The following TNFRSF21 variants were observed in gnomAD, a reference collection of about 807,000 sequenced individuals.
TNFRSF21 encodes TNF receptor superfamily member 21, also known as tumor necrosis factor receptor superfamily member 21.
TNFRSF21 carries 19 observed loss-of-function variants against 45.6 expected under a neutral mutation model. That is an observed-to-expected ratio of 0.42 (90% CI 0.29 to 0.61). TNFRSF21 has a LOEUF of 0.61. Among genes scored for constraint, TNFRSF21 ranks in the 20% least tolerant of loss-of-function variants. The probability of loss-of-function intolerance (pLI) is 0.23; values close to 1 mark genes in which losing one functional copy is unlikely to be tolerated. For missense variants in TNFRSF21, 737 were observed against 851.5 expected (o/e 0.87, Z 1.67); for synonymous variants, 314 against 335.5 (o/e 0.94, Z 0.70).
intron 3 of TNFRSF21, among the ~76,000 whole-genome samples, chr6:47,270,459 T>C (rs777905966): frequency 6.6e-6 from 1 of 152,078 alleles, no homozygotes; most frequent in Non-Finnish European, 1.5e-5. Flanking sequence ...CAGAAATGAA[T>C]AGCATCAACA....
At chr6:47,258,004 G>A (rs910182532) in intron 3 of TNFRSF21, among the ~76,000 whole-genome samples, 3 of 152,320 alleles carry the variant, frequency 2.0e-5, no homozygotes, top group African/African-American at 7.2e-5. Context: ...TCCAGCCTAG[G>A]ATGAACGCAC....
In TNFRSF21 at chr6:47,284,203, C is replaced by A. The variant is rs763089621; in HGVS notation, c.978G>T (p.Thr326=). The part of the protein sequence containing the change: ...MEATGGEKSS[T]PIKGPKRGHP... ...GTCCCCTCTTGGGGCCCTTGATGGG[C>A]GTGCTGGACTTCTCGCCCCCAGTGG... is the stretch of plus-strand genomic sequence containing the variant. The change falls in exon 3 of 6, where the codon ACG becomes ACT. Residue 326 remains threonine (T), a synonymous_variant. Transcript: ENST00000296861. 2.5e-6 allele frequency: 4 copies of A among 1,614,026 alleles called. No homozygotes were observed. Among genetic ancestry groups the A allele is most frequent in the Admixed American group, 1.7e-5 (1 of 60,002 alleles).
At chr6:47,272,091 G>A (rs1171847534) in intron 3 of TNFRSF21, among the ~76,000 whole-genome samples, 1 of 152,014 alleles carries the variant, frequency 6.6e-6, no homozygotes, top group East Asian at 1.9e-4. Flanking sequence ...CCCATTGTCA[G>A]TATTAGACAG....
intron 3 of TNFRSF21, among the ~76,000 whole-genome samples, chr6:47,259,064 A>G (rs1421040897): frequency 6.6e-6 from 1 of 152,258 alleles, no homozygotes; most frequent in Non-Finnish European, 1.5e-5. Context: ...GATTTAGAAA[A>G]GCATTTCATT....
intron 4 of TNFRSF21, among the ~76,000 whole-genome samples, chr6:47,250,721 A>G (rs1484328763): frequency 6.6e-6 from 1 of 152,264 alleles, no homozygotes; most frequent in South Asian, 2.1e-4. Context: ...TCACAGGATG[A>G]GAATAAGGAG....
chr6:47,286,216 T>C lies in TNFRSF21; in HGVS notation c.476A>G (p.Lys159Arg). Residue 159 changes from lysine (K) to arginine (R), a missense_variant, in exon 2 of 6, where the codon AAA (lysine) becomes AGA (arginine). By Grantham distance (26) the Lys-to-Arg change is conservative (BLOSUM62 2). Coordinates refer to ENST00000296861, the MANE Select transcript of TNFRSF21 (RefSeq NM_014452.5). The part of the protein sequence containing the change: ...VCPVGWGVRK[K>R]GTETEDVRCK... ...CCGCACATCCTCAGTCTCTGTCCCT[T>C]TCTTCCGCACACCCCAACCCACAGG... 6.2e-7 allele frequency: 1 copy of C among 1,614,222 alleles called. No homozygotes were observed. The highest frequency in any genetic ancestry group is 8.5e-7 in the Non-Finnish European group (1 of 1,180,040).
chr6:47,255,184 G>A (rs926895874), intron 3 of TNFRSF21, among the ~76,000 whole-genome samples: 4 of 152,332 alleles, frequency 2.6e-5, no homozygotes, highest in Middle Eastern at 3.4e-3. Flanking sequence ...CTGATGAACA[G>A]ATGAAATGGT....
chr6:47,307,914 G>A (rs1275414682), intron 1 of TNFRSF21, among the ~76,000 whole-genome samples: 2 of 152,092 alleles, frequency 1.3e-5, no homozygotes, highest in Admixed American at 1.3e-4. Flanking sequence ...CTGTGAAAAA[G>A]GAAATGATGA....
intron 2 of TNFRSF21, among the ~76,000 whole-genome samples, 200 bp downstream of exon 2, chr6:47,285,744 A>G (rs1762636209): frequency 6.6e-6 from 1 of 152,206 alleles, no homozygotes; most frequent in Admixed American, 6.5e-5. Context: ...GATCTCCCCT[A>G]ACAGAAAAAT....
rs1370016335 is a variant in TNFRSF21 at position 47,231,763 on chromosome 6, T to A, written c.*1002A>T. The A allele has an allele frequency of 1.3e-5, 2 of 152,598 alleles. No individual in the cohort carries two copies. The highest frequency in any genetic ancestry group is 2.9e-5 in the Non-Finnish European group (2 of 68,044). 9.5% of individuals were successfully genotyped at this position (152,598 alleles called of 1,614,324 possible). A position where few individuals can be genotyped will look rare whatever the true frequency, so the allele number is the denominator to read the frequency against. On this transcript the variant is annotated 3_prime_UTR_variant, in exon 6 of 6. Transcript: ENST00000296861. ...AGCCATTTTTAATTAAAGTAATTGG[T>A]GAAGGAATCCCACCAGGACCAAGGC...
At chr6:47,287,982 C>T (rs1251571832) in intron 1 of TNFRSF21, among the ~76,000 whole-genome samples, 1 of 152,162 alleles carries the variant, frequency 6.6e-6, no homozygotes, top group Non-Finnish European at 1.5e-5. Context: ...ACTTTGAAAG[C>T]TGGTTGGTAC....
intron 3 of TNFRSF21, among the ~76,000 whole-genome samples, chr6:47,276,873 T>C (rs933414559): frequency 6.6e-6 from 1 of 152,218 alleles, no homozygotes; most frequent in Non-Finnish European, 1.5e-5. Flanking sequence ...ACTGCCTACA[T>C]GTGTAAATTA....
At chr6:47,248,359 A>C (rs1381081024) in intron 4 of TNFRSF21, among the ~76,000 whole-genome samples, 1 of 152,174 alleles carries the variant, frequency 6.6e-6, no homozygotes, top group Non-Finnish European at 1.5e-5. Flanking sequence ...AGTTAGAGAA[A>C]TTGTTTGCCC....
chr6:47,309,461 G>C lies in TNFRSF21; in HGVS notation c.51C>G (p.Ile17Met). 6.5e-7 allele frequency: 1 copy of C among 1,534,060 alleles called. No individual in the cohort carries two copies. Among genetic ancestry groups the C allele is most frequent in the Non-Finnish European group, 8.7e-7 (1 of 1,147,690 alleles). The change falls in exon 1 of 6, where the codon ATC (isoleucine) becomes ATG (methionine). Residue 17 changes from isoleucine to methionine, a missense_variant. Ile to Met is a conservative substitution (Grantham distance 10, BLOSUM62 1). Coordinates refer to ENST00000296861, the MANE Select transcript of TNFRSF21 (RefSeq NM_014452.5). ...TCATCGTGGCTGTGGCTCGGCGGGC[G>C]ATGCGGCTGCAGGAGGCGAGGGCGG... ...SSTALASCSR[I>M]ARRATATMIA...
In TNFRSF21 at chr6:47,278,249, C is replaced by CA. The variant is rs761801073; in HGVS notation, c.1243+5688dup. 1.4e-4 allele frequency among the ~76,000 whole-genome samples: 21 copies of CA among 152,216 alleles called. 1 individual carries two copies. The South Asian group carries it at 3.1e-3, about 23-fold the overall frequency. The stretch of plus-strand genomic sequence containing the variant: ...GTCTCTATGTTTAAATCCCTAACAC[C>CA]AACATCAGTATAAATCAACAAGAAA... On this transcript the variant is annotated intron_variant, in intron 3 of 5. Coordinates refer to ENST00000296861, the MANE Select transcript of TNFRSF21 (RefSeq NM_014452.5).
chr6:47,265,441 G>A (rs746457854), intron 3 of TNFRSF21, among the ~76,000 whole-genome samples: 1 of 151,918 alleles, frequency 6.6e-6, no homozygotes, highest in Admixed American at 6.6e-5. Context: ...TTCTAGCACC[G>A]AGTAATTTAT....
intron 1 of TNFRSF21, among the ~76,000 whole-genome samples, chr6:47,295,927 G>A (rs1489872061): frequency 2.6e-5 from 4 of 152,226 alleles, no homozygotes; most frequent in African/African-American, 7.2e-5. Flanking sequence ...AAGCTCAGGG[G>A]ACACTGGAAA....
chr6:47,285,600 T>G (rs1762634474), intron 2 of TNFRSF21, among the ~76,000 whole-genome samples: 1 of 152,228 alleles, frequency 6.6e-6, no homozygotes, highest in Non-Finnish European at 1.5e-5. Flanking sequence ...CTTAAACATC[T>G]AAATTATTCA....
At chr6:47,252,646 G>C (rs1195534093) in intron 4 of TNFRSF21, among the ~76,000 whole-genome samples, 1 of 152,160 alleles carries the variant, frequency 6.6e-6, no homozygotes, top group Non-Finnish European at 1.5e-5. Context: ...ATATGTACCA[G>C]AGCCAGGATT....
Sources: allele counts gnomAD v4.1 joint callset (sites outside exome capture counted in the v4.1 genomes callset), GRCh38; gene constraint gnomAD v4.1.1; transcripts MANE v1.5; gene names NCBI Gene and HGNC (gene_info 2026-07-23, HGNC 2026-07-21).